COL26A1: variants seen among roughly 807,000 people sequenced by gnomAD.
COL26A1 encodes the protein collagen type XXVI alpha 1 chain, also known as collagen alpha-1(XXVI) chain.
A neutral mutation model predicts 59.3 loss-of-function variants in COL26A1; 41 were observed. The ratio of observed to expected loss-of-function variants is 0.69; its 90% CI spans 0.54 to 0.90. The LOEUF (loss-of-function observed/expected upper bound fraction) is 0.90, where lower values mean the gene tolerates loss of function less well. Ranked by LOEUF, COL26A1 falls within the 40% of genes least tolerant of loss-of-function variation. The pLI, the probability that COL26A1 is intolerant of heterozygous loss-of-function variation, is 0.00. For synonymous variants in COL26A1, 266 were observed against 256.0 expected (o/e 1.04, Z -0.37); for missense variants, 612 against 602.3 (o/e 1.02, Z -0.17).
chr7:101,492,015 G>T (rs1293564440), intron 3 of COL26A1, among the ~76,000 whole-genome samples: 3 of 152,146 alleles, frequency 2.0e-5, no homozygotes, highest in African/African-American at 7.2e-5. Context: ...TGGGTGGACA[G>T]GCTGGGGTCC....
chr7:101,403,144 G>A (rs1022832006), intron 1 of COL26A1, among the ~76,000 whole-genome samples: 1 of 151,992 alleles, frequency 6.6e-6, no homozygotes, highest in African/African-American at 2.4e-5. Flanking sequence ...GCGTGTGGCC[G>A]GCAAAGTCTT....
intron 3 of COL26A1, among the ~76,000 whole-genome samples, chr7:101,498,065 A>G (rs1285334633): frequency 6.6e-6 from 1 of 152,238 alleles, no homozygotes; most frequent in East Asian, 1.9e-4. Context: ...ACAGAGAACA[A>G]AAAGCCAATT....
chr7:101,555,743 T>G, intron 11 of COL26A1, 44 bp from the exon 12 acceptor site: 1 of 1,505,542 alleles, frequency 6.6e-7, no homozygotes, highest in Non-Finnish European at 9.1e-7. Context: ...CCCTGACCCC[T>G]TCCTCATGGC....
chr7:101,440,680 CTG>C lies in COL26A1; in HGVS notation c.282-7001_282-7000del, dbSNP rs1479877400. Among the ~76,000 whole-genome samples the C allele has an allele frequency of 4.6e-5, 7 of 152,254 alleles. No homozygotes were observed. The East Asian group carries it at 1.4e-3, about 30-fold the overall frequency. ...ATTCAGAATGAGGGGCCAAGAAAGA[CTG>C]TGGCCAGGAGCGGTGGCTCATGCCT... On this transcript the variant is annotated intron_variant, in intron 2 of 12. Coordinates refer to ENST00000313669, the MANE Select transcript of COL26A1 (RefSeq NM_001278563.3).
At chr7:101,529,657 A>G (rs183903133) in intron 3 of COL26A1, among the ~76,000 whole-genome samples, 72 of 152,262 alleles carry the variant, frequency 4.7e-4, no homozygotes, top group African/African-American at 1.6e-3. Flanking sequence ...GCTCCTACTT[A>G]TAGGTGAGAA....
intron 3 of COL26A1, among the ~76,000 whole-genome samples, chr7:101,477,959 G>C (rs1584444148): frequency 6.6e-6 from 1 of 152,044 alleles, no homozygotes; most frequent in Non-Finnish European, 1.5e-5. Context: ...CAATTTCTTT[G>C]TTCTTGTCCA....
chr7:101,362,667 G>A (rs540547445), upstream of COL26A1, among the ~76,000 whole-genome samples: 2 of 152,320 alleles, frequency 1.3e-5, no homozygotes, highest in African/African-American at 4.8e-5. Flanking sequence ...AGGTTCTAAG[G>A]TGTGTAGCGG....
chr7:101,520,659 CA>C (rs1442742118), intron 3 of COL26A1, among the ~76,000 whole-genome samples: 6 of 150,482 alleles, frequency 4.0e-5, no homozygotes, highest in African/African-American at 1.5e-4. Flanking sequence ...CACACACACA[CA>C]CACCCCCGTG....
intron 3 of COL26A1, among the ~76,000 whole-genome samples, chr7:101,465,366 A>G (rs17135425): frequency 0.025 from 3,837 of 152,206 alleles, 127 homozygotes; most frequent in African/African-American, 0.085. Context: ...ACAAAGAGTC[A>G]TAGCCTCTGA....
chr7:101,439,475 A>G (rs1242876928), intron 2 of COL26A1, among the ~76,000 whole-genome samples: 4 of 141,396 alleles, frequency 2.8e-5, no homozygotes, highest in African/African-American at 1.0e-4. Context: ...AATCACTTGA[A>G]CCCAGGAGGC....
chr7:101,462,161 G>A lies in COL26A1; in HGVS notation c.385+14374G>A, dbSNP rs933063836. On this transcript the variant is annotated intron_variant, in intron 3 of 12. Coordinates refer to ENST00000313669, the MANE Select transcript of COL26A1 (RefSeq NM_001278563.3). The stretch of plus-strand genomic sequence containing the variant: ...ACTACAGGTGCCCGCCTCCACGCCC[G>A]GCTAATTTTTGTATTTTCAGTAGAG... 3.3e-5 allele frequency among the ~76,000 whole-genome samples: 5 copies of A among 151,824 alleles called. No individual in the cohort carries two copies. The South Asian group carries it at 1.0e-3, about 32-fold the overall frequency.
At chr7:101,526,068 G>A (rs1254664249) in intron 3 of COL26A1, among the ~76,000 whole-genome samples, 4 of 150,814 alleles carry the variant, frequency 2.7e-5, no homozygotes, top group African/African-American at 9.8e-5. Flanking sequence ...TTTTTTTTGA[G>A]ACAGAGTTTC....
chr7:101,451,771 C>G (rs2130390896), intron 3 of COL26A1, among the ~76,000 whole-genome samples: 1 of 148,984 alleles, frequency 6.7e-6, no homozygotes, highest in African/African-American at 2.5e-5. Flanking sequence ...GTGGCACAGT[C>G]TCCACTCACT....
intron 1 of COL26A1, among the ~76,000 whole-genome samples, chr7:101,384,720 A>G (rs1791527637): frequency 6.6e-6 from 1 of 152,120 alleles, no homozygotes; most frequent in African/African-American, 2.4e-5. Context: ...ATATATATGT[A>G]TATATGAAAG....
chr7:101,391,118 CA>C (rs1384224627), intron 1 of COL26A1, among the ~76,000 whole-genome samples: 1 of 152,196 alleles, frequency 6.6e-6, no homozygotes, highest in East Asian at 1.9e-4. Context: ...GGGAGGGCCC[CA>C]GCCCTTGAAG....
intron 1 of COL26A1, among the ~76,000 whole-genome samples, chr7:101,411,665 G>T (rs1027036884): frequency 6.6e-6 from 1 of 152,132 alleles, no homozygotes; most frequent in African/African-American, 2.4e-5. Flanking sequence ...GGACAGGTTG[G>T]CATTGTGTGT....
In COL26A1 at chr7:101,487,641, G is replaced by A. The variant is rs143138615; in HGVS notation, c.385+39854G>A. Reference sequence around the variant, plus strand: ...TCTCCTCCCACCTCTGAGATGCCGCGCTCCTGTGCAAACCTGAGACCCTCG... The same window carrying A: ...TCTCCTCCCACCTCTGAGATGCCGCACTCCTGTGCAAACCTGAGACCCTCG... On this transcript the variant is annotated intron_variant, in intron 3 of 12. Transcript: ENST00000313669. Among the ~76,000 whole-genome samples, 247 of 152,254 alleles carry A rather than the reference G, an allele frequency of 1.6e-3. 1 individual carries two copies. Among genetic ancestry groups the A allele is most frequent in the African/African-American group, 5.5e-3 (227 of 41,548 alleles).
chr7:101,472,577 T>C (rs768726385), intron 3 of COL26A1, among the ~76,000 whole-genome samples: 1 of 152,168 alleles, frequency 6.6e-6, no homozygotes, highest in Non-Finnish European at 1.5e-5. Flanking sequence ...ATGTATGGAC[T>C]GAGGCCATCC....
rs182805061 is a variant in COL26A1 at position 101,468,732 on chromosome 7, T to C, written c.385+20945T>C. Among the ~76,000 whole-genome samples, 193 of 152,324 alleles carry C rather than the reference T, an allele frequency of 1.3e-3. 1 individual carries two copies. Among genetic ancestry groups the C allele is most frequent in the African/African-American group, 4.4e-3 (184 of 41,562 alleles). On this transcript the variant is annotated intron_variant, in intron 3 of 12. Transcript: ENST00000313669. ...TGTCTTGAACATGTGCTGGGGAAAC[T>C]GTGGGAGGAGGGAGGGGGAGACGCA...
Sources: gnomAD v4.1 joint callset for allele counts (sites outside exome capture counted in the v4.1 genomes callset) on GRCh38, gnomAD v4.1.1 for gene constraint, MANE v1.5 for transcripts, NCBI Gene and HGNC (gene_info 2026-07-23, HGNC 2026-07-21) for gene names.